The following TIAM1 variants were observed in gnomAD, a reference collection of about 807,000 sequenced individuals.
TIAM1 encodes rho guanine nucleotide exchange factor TIAM1.
A neutral mutation model predicts 163.5 loss-of-function variants in TIAM1; 65 were observed. The ratio of observed to expected loss-of-function variants is 0.40; its 90% CI spans 0.33 to 0.49. TIAM1 has a LOEUF of 0.49. TIAM1 is among the 20% of genes least tolerant of loss of function. TIAM1 has a pLI of 0.77. For synonymous variants in TIAM1, 833 were observed against 810.1 expected (o/e 1.03, Z -0.48); for missense variants, 1,789 against 2,044.7 (o/e 0.87, Z 2.41).
chr21:31,141,594 T>C lies in TIAM1; in HGVS notation c.3476-90A>G. The C allele has an allele frequency of 6.7e-7, 1 of 1,493,170 alleles. No homozygotes were observed. The highest frequency in any genetic ancestry group is 9.1e-7 in the Non-Finnish European group (1 of 1,094,600). 92.5% of individuals were successfully genotyped at this position (1,493,170 alleles called of 1,614,324 possible). On this transcript the variant is annotated intron_variant, in intron 20 of 27. Transcript: ENST00000541036. The surrounding 1 kb of genome is among the most constrained non-coding windows in gnomAD (Gnocchi z 4.7). ...CCTCCCTTCCTCAGTGACTCCAAGG[T>C]GCCTTTTTGCAGGACTGAGCAGAGA...
In TIAM1 at chr21:31,288,088, C is replaced by G. The variant is rs112883890; in HGVS notation, c.-188-11180G>C. Reference sequence around the variant, plus strand: ...AAATGGAAGGTGACAATAACACCTTCCACTCTGAGGTATAATCAAGCACCA... The same window carrying G: ...AAATGGAAGGTGACAATAACACCTTGCACTCTGAGGTATAATCAAGCACCA... On this transcript the variant is annotated intron_variant, in intron 2 of 27. Transcript: ENST00000541036. 1.4e-3 allele frequency among the ~76,000 whole-genome samples: 216 copies of G among 152,134 alleles called. 2 individuals carry two copies. In the Middle Eastern group the frequency reaches 0.031, roughly 22 times the overall value.
chr21:31,310,558 T>C (rs2833370), intron 2 of TIAM1, among the ~76,000 whole-genome samples: 87,657 of 151,866 alleles, frequency 0.58, 25,725 homozygotes, highest in South Asian at 0.69. Context: ...TCCAATAAAG[T>C]CTGGGAAATT....
intron 20 of TIAM1, among the ~76,000 whole-genome samples, 182 bp downstream of exon 20, chr21:31,146,710 CAAA>C (rs55662795): frequency 7.6e-6 from 1 of 131,696 alleles, no homozygotes; most frequent in Admixed American, 7.6e-5. Context: ...GACTCTGTCT[CAAA>C]AAAAAAAAAA....
intron 2 of TIAM1, among the ~76,000 whole-genome samples, chr21:31,377,049 T>C (rs1391571577): frequency 6.1e-5 from 9 of 147,330 alleles, no homozygotes; most frequent in African/African-American, 2.2e-4. Context: ...TTTTTTTTTT[T>C]TTTTTTTTTA....
chr21:31,475,859 A>G (rs1258815644), intron 1 of TIAM1, among the ~76,000 whole-genome samples: 1 of 152,240 alleles, frequency 6.6e-6, no homozygotes, highest in African/African-American at 2.4e-5. Flanking sequence ...CAACTACTTC[A>G]TGAGGTGATG....
chr21:31,171,992 A>C (rs901297483), intron 15 of TIAM1, among the ~76,000 whole-genome samples: 1 of 152,248 alleles, frequency 6.6e-6, no homozygotes, highest in Admixed American at 6.5e-5. Flanking sequence ...GGTTAGCAGA[A>C]CAACCAACCA....
intron 2 of TIAM1, among the ~76,000 whole-genome samples, chr21:31,428,852 C>T (rs1254549267): frequency 2.0e-5 from 3 of 150,780 alleles, no homozygotes; most frequent in Non-Finnish European, 4.4e-5. Flanking sequence ...CACTGTACTC[C>T]AGCCTGGGTG....
At chr21:31,509,622 G>T (rs1169952655) in intron 1 of TIAM1, among the ~76,000 whole-genome samples, 2 of 152,210 alleles carry the variant, frequency 1.3e-5, no homozygotes, top group Non-Finnish European at 2.9e-5. Flanking sequence ...TCCCCTGCAG[G>T]CATCAAGGAC....
Position 31,147,021 on chromosome 21 carries a change from A to G in TIAM1, c.3367-18T>C. The stretch of plus-strand genomic sequence containing the variant: ...AGCACTTTCTGGATTTGACGAGAAA[A>G]GGCACAGTTGGTTGTTTCCTTCCTC... On this transcript the variant is annotated intron_variant, in intron 19 of 27. Coordinates refer to ENST00000541036, the MANE Select transcript of TIAM1 (RefSeq NM_001353694.2). The G allele has an allele frequency of 6.2e-7, 1 of 1,607,104 alleles. No homozygotes were observed. Among genetic ancestry groups the G allele is most frequent in the Non-Finnish European group, 8.5e-7 (1 of 1,173,866 alleles).
Position 31,418,084 on chromosome 21 carries a change from G to A in TIAM1, c.-369+45899C>T, listed in dbSNP as rs1053918517. On this transcript the variant is annotated intron_variant, in intron 2 of 28. Coordinates refer to the TIAM1 transcript ENST00000286827. ...AAAAGGTGCCCTCTAGGCCAGGTGC[G>A]GTGGCTCATACCTGTAATCCCAGCA... Among the ~76,000 whole-genome samples the A allele has an allele frequency of 3.3e-5, 5 of 152,148 alleles. No homozygotes were observed. In the South Asian group the frequency reaches 6.2e-4, roughly 19 times the overall value.
At chr21:31,195,383 A>AT in intron 12 of TIAM1, 78 bp from the exon 13 acceptor site, 1 of 1,029,950 alleles carries the variant, frequency 9.7e-7, no homozygotes, top group Non-Finnish European at 1.4e-6. Flanking sequence ...TCATAAATCT[A>AT]TTTTTTCACA....
chr21:31,531,420 T>C (rs926592154), intron 1 of TIAM1, among the ~76,000 whole-genome samples: 3 of 151,774 alleles, frequency 2.0e-5, no homozygotes, highest in African/African-American at 7.3e-5. Context: ...AGGGCAGAGG[T>C]GACCAAATAA....
At chr21:31,131,143 T>C (rs1184964148) in intron 23 of TIAM1, among the ~76,000 whole-genome samples, 195 bp from the exon 24 acceptor site, 1 of 152,128 alleles carries the variant, frequency 6.6e-6, no homozygotes, top group Non-Finnish European at 1.5e-5. Context: ...AGTTTCCAGG[T>C]TCAAAATAAA....
chr21:31,455,279 CAA>C (rs59134253), intron 2 of TIAM1, among the ~76,000 whole-genome samples: 21,434 of 83,742 alleles, frequency 0.26, 845 homozygotes, highest in Non-Finnish European at 0.27. Flanking sequence ...AACTCTGCCT[CAA>C]AAAAAAAAAA....
upstream of TIAM1, among the ~76,000 whole-genome samples, chr21:31,348,859 A>C (rs2076190925): frequency 6.6e-6 from 1 of 152,234 alleles, no homozygotes. Context: ...TTACAACTTC[A>C]AAGTAAACCT....
intron 2 of TIAM1, among the ~76,000 whole-genome samples, chr21:31,370,907 G>A (rs2076587317): frequency 6.6e-6 from 1 of 152,102 alleles, no homozygotes; most frequent in Non-Finnish European, 1.5e-5. Context: ...AGCCTGTGCC[G>A]CCCTCTCTCA....
intron 14 of TIAM1, among the ~76,000 whole-genome samples, chr21:31,185,605 TATATATTATATTA>T (rs1308075224): frequency 1.4e-5 from 2 of 144,738 alleles, no homozygotes; most frequent in African/African-American, 5.0e-5. Flanking sequence ...ATCATATAGC[TATATATTATATTA>T]ATATATTATA....
chr21:31,484,983 G>A (rs904560607), intron 1 of TIAM1, among the ~76,000 whole-genome samples: 7 of 152,188 alleles, frequency 4.6e-5, no homozygotes, highest in Admixed American at 2.0e-4. Context: ...AGTCTTCTAC[G>A]AACCAGGAAG....
chr21:31,245,400 A>G, intron 6 of TIAM1, 88 bp downstream of exon 6: 15 of 545,478 alleles, frequency 2.7e-5, no homozygotes, highest in Non-Finnish European at 4.2e-5. Flanking sequence ...AAAAAAAAGC[A>G]GTGGAGGGAG....
Sources: allele counts gnomAD v4.1 joint callset (sites outside exome capture counted in the v4.1 genomes callset), GRCh38; gene constraint gnomAD v4.1.1; non-coding constraint Gnocchi (gnomAD v3.1); transcripts MANE v1.5; gene names NCBI Gene and HGNC (gene_info 2026-07-23, HGNC 2026-07-21).